Variants in DPEP1 observed in about 807,000 individuals in gnomAD.
The protein encoded by DPEP1 is beta-lactamase.
Under a neutral mutation model 42.3 loss-of-function variants are expected in DPEP1, and 50 were observed. The ratio of observed to expected loss-of-function variants is 1.18; its 90% CI spans 0.94 to 1.50. DPEP1 has a LOEUF of 1.50. DPEP1 is among the 40% of genes most tolerant of loss of function. The pLI is 0.00. For synonymous variants in DPEP1, 297 were observed against 234.0 expected, an observed-to-expected ratio of 1.27 and a Z score of -2.46; for missense variants, 663 against 553.0, an observed-to-expected ratio of 1.20 and a Z score of -1.99.
intron 2 of DPEP1, among the ~76,000 whole-genome samples, chr16:89,631,812 G>T (rs1468470105): frequency 6.6e-6 from 1 of 151,998 alleles, no homozygotes; most frequent in Non-Finnish European, 1.5e-5. Context: ...ACCCAATATC[G>T]GGCCACTGTA....
chr16:89,628,131 C>T (rs1257183036), intron 1 of DPEP1, among the ~76,000 whole-genome samples: 6 of 151,986 alleles, frequency 3.9e-5, no homozygotes, highest in East Asian at 3.9e-4. Context: ...ACCATGTTAG[C>T]CAGGATGGTC....
chr16:89,638,556 C>A, downstream of DPEP1: 1 of 1,072,608 alleles, frequency 9.3e-7, no homozygotes. Flanking sequence ...GCCAGAAGGG[C>A]TCAGGAGGTG....
Position 89,636,267 on chromosome 16 carries a change from T to A in DPEP1, c.241T>A (p.Trp81Arg). 6.2e-7 allele frequency: 1 copy of A among 1,608,164 alleles called. No individual in the cohort carries two copies. Among genetic ancestry groups the A allele is most frequent in the African/African-American group, 1.3e-5 (1 of 75,008 alleles). The change falls in exon 4 of 11, where the codon TGG (tryptophan) becomes AGG (arginine). Residue 81 changes from tryptophan to arginine, a missense_variant. Physicochemically the swap from Trp to Arg is moderately radical, Grantham distance 101 (BLOSUM62 -3). Coordinates refer to ENST00000690203, the MANE Select transcript of DPEP1 (RefSeq NM_001389466.1). ...LRAGFVGGQFWSVYTPCDTQN... is the reference protein window; with the variant it reads ...LRAGFVGGQFRSVYTPCDTQN... Reference sequence around the variant, plus strand: ...TGGCACCCCCTGCGGCCCACAGTTCTGGTCCGTGTACACGCCCTGCGACAC... The same window carrying A: ...TGGCACCCCCTGCGGCCCACAGTTCAGGTCCGTGTACACGCCCTGCGACAC...
At chr16:89,634,377 C>A (rs75740760) in intron 2 of DPEP1, among the ~76,000 whole-genome samples, 2 of 152,074 alleles carry the variant, frequency 1.3e-5, no homozygotes, top group South Asian at 2.1e-4. Flanking sequence ...ATGAGCCACC[C>A]TGCCTGGCCT....
intron 2 of DPEP1, among the ~76,000 whole-genome samples, chr16:89,631,431 T>G (rs1324882672): frequency 2.0e-5 from 3 of 152,086 alleles, no homozygotes; most frequent in South Asian, 2.1e-4. Flanking sequence ...TGGCTCCGCG[T>G]TGGGGTGGGA....
intron 5 of DPEP1, 40 bp from the exon 6 acceptor site, chr16:89,636,826 C>T (rs1435144644): frequency 3.1e-6 from 5 of 1,610,420 alleles, no homozygotes; most frequent in Non-Finnish European, 4.2e-6. Flanking sequence ...AGGCCGAGAC[C>T]ACCGCTCACC....
chr16:89,628,679 C>G (rs919471473), intron 1 of DPEP1, among the ~76,000 whole-genome samples: 4 of 152,154 alleles, frequency 2.6e-5, no homozygotes, highest in Non-Finnish European at 5.9e-5. Flanking sequence ...CACTCAGTTT[C>G]TGCCTCTGAA....
chr16:89,620,023 C>G (rs977162684), intron 1 of DPEP1, among the ~76,000 whole-genome samples: 9 of 147,402 alleles, frequency 6.1e-5, no homozygotes, highest in African/African-American at 2.3e-4. Context: ...ACTGAGTATG[C>G]CCCCCTCCCG....
chr16:89,627,377 G>A (rs2059528238), intron 1 of DPEP1, among the ~76,000 whole-genome samples: 1 of 151,750 alleles, frequency 6.6e-6, no homozygotes, highest in African/African-American at 2.4e-5. Flanking sequence ...TAGGTCAGGA[G>A]TTCAAGACCA....
chr16:89,634,538 CTCCTTTCCCCTTCCTTCT>C lies in DPEP1; in HGVS notation c.105-1369_105-1352del, dbSNP rs2059635546. Among the ~76,000 whole-genome samples the C allele has an allele frequency of 1.4e-3, 110 of 77,060 alleles. 3 individuals are homozygous for C. The highest frequency in any genetic ancestry group is 5.5e-3 in the African/African-American group (98 of 17,924). 50.6% of individuals were successfully genotyped at this position (77,060 alleles called of 152,430 possible). A position where few individuals can be genotyped will look rare whatever the true frequency, so the allele number is the denominator to read the frequency against. On this transcript the variant is annotated intron_variant, in intron 2 of 10. Coordinates refer to ENST00000690203, the MANE Select transcript of DPEP1 (RefSeq NM_001389466.1). The stretch of plus-strand genomic sequence containing the variant: ...CCCTTCCTCTGCGTTCCCCTTCCTT[CTCCTTTCCCCTTCCTTCT>C]CCTTTCCCTTCCTTCTCCTTTCCCC...
intron 1 of DPEP1, among the ~76,000 whole-genome samples, chr16:89,620,089 G>A (rs1036479617): frequency 4.0e-5 from 6 of 151,228 alleles, no homozygotes; most frequent in East Asian, 2.0e-4. Flanking sequence ...CGGTCCACAC[G>A]CAGACCCTCC....
chr16:89,636,362 C>T lies in DPEP1; in HGVS notation c.336C>T (p.Tyr112=), dbSNP rs1186686702. 1 of 1,612,550 alleles carries T rather than the reference C, an allele frequency of 6.2e-7. No homozygotes were observed. Among genetic ancestry groups the T allele is most frequent in the Admixed American group, 1.7e-5 (1 of 59,988 alleles). Residue 112 remains tyrosine (Y), a synonymous_variant, in exon 4 of 11, where the codon TAC becomes TAT. Transcript: ENST00000690203. ...TGGTCCACCGCATGTGCCGGATGTA[C>T]CCGGAGACCTTCCTGTATGTCACCA... ...MDVVHRMCRM[Y]PETFLYVTSS... is the part of the protein sequence containing the mutation.
At chr16:89,629,133 A>G (rs1428173041) in intron 1 of DPEP1, among the ~76,000 whole-genome samples, 1 of 152,114 alleles carries the variant, frequency 6.6e-6, no homozygotes, top group Non-Finnish European at 1.5e-5. Flanking sequence ...AGCTATTTTA[A>G]AGTTTTATAC....
downstream of DPEP1, among the ~76,000 whole-genome samples, chr16:89,639,216 G>A (rs1192124435): frequency 1.5e-3 from 8 of 5,440 alleles, no homozygotes; most frequent in Admixed American, 6.3e-3. Flanking sequence ...ACCCCTGCAC[G>A]CACACACCGC....
intron 3 of DPEP1, 52 bp from the exon 4 acceptor site, chr16:89,636,212 G>C (rs2070992): frequency 0.086 from 135,540 of 1,574,302 alleles, 8,867 homozygotes; most frequent in Admixed American, 0.3. Flanking sequence ...GCATGCGGGG[G>C]GTGGGCTGAG....
At chr16:89,617,618 G>A (rs370946002) in intron 1 of DPEP1, among the ~76,000 whole-genome samples, 122 of 139,634 alleles carry the variant, frequency 8.7e-4, no homozygotes, top group African/African-American at 2.4e-3. Context: ...GAGGCCGGGC[G>A]CGGCGGCTCA....
At position 89,637,363 on chromosome 16, in the gene DPEP1, G is replaced by GAGGCTGCGCA. The variant is rs1002997288; in HGVS notation, c.752_753insGGCTGCGCAA (p.Asp251GlufsTer59). 6.2e-7 allele frequency: 1 copy of GAGGCTGCGCA among 1,612,262 alleles called. No individual in the cohort carries two copies. The highest frequency in any genetic ancestry group is 1.3e-5 in the African/African-American group (1 of 75,064). ...CGCAAGCCGGCGCAACGTGCCTGAC[G>GAGGCTGCGCA]ACGTCCTGAGGCTGGTGGTGAGGGC... On this transcript the variant is annotated frameshift_variant, in exon 7 of 11. Coordinates refer to ENST00000690203, the MANE Select transcript of DPEP1 (RefSeq NM_001389466.1). LOFTEE classifies it high-confidence loss of function.
At chr16:89,616,050 G>C (rs1034929427) in intron 1 of DPEP1, among the ~76,000 whole-genome samples, 9 of 151,884 alleles carry the variant, frequency 5.9e-5, no homozygotes, top group Non-Finnish European at 1.2e-4. Flanking sequence ...TCCAGCCTGG[G>C]TGACAGAGCA....
At chr16:89,633,076 C>G (rs1009095703) in intron 2 of DPEP1, among the ~76,000 whole-genome samples, 2 of 152,180 alleles carry the variant, frequency 1.3e-5, no homozygotes, top group African/African-American at 4.8e-5. Flanking sequence ...CGCCTGCGTC[C>G]TCAGGCCAAG....
Sources: allele counts gnomAD v4.1 joint callset (sites outside exome capture counted in the v4.1 genomes callset), GRCh38; gene constraint gnomAD v4.1.1; transcripts MANE v1.5; gene names NCBI Gene and HGNC (gene_info 2026-07-23, HGNC 2026-07-21).